Variants in MEGF11 observed in about 807,000 individuals in gnomAD.
The protein encoded by MEGF11 is multiple EGF like domains 11, also known as multiple epidermal growth factor-like domains protein 11.
Under a neutral mutation model 146.6 loss-of-function variants are expected in MEGF11, and 126 were observed. The ratio of observed to expected loss-of-function variants is 0.86; its 90% CI spans 0.74 to 1.00. The LOEUF (loss-of-function observed/expected upper bound fraction) is 1.00. Ranked by LOEUF, MEGF11 falls within the 50% of genes least tolerant of loss-of-function variation. The pLI is 0.00. For synonymous variants in MEGF11, 532 were observed against 583.4 expected (o/e 0.91, Z 1.27); for missense variants, 1,509 against 1,521.2 (o/e 0.99, Z 0.13).
At chr15:66,024,350 C>T (rs376696091) in intron 5 of MEGF11, among the ~76,000 whole-genome samples, 43 of 152,368 alleles carry the variant, frequency 2.8e-4, no homozygotes, top group African/African-American at 9.4e-4. Context: ...TCTCAGCTGA[C>T]CTTCACACAA....
chr15:66,159,600 C>CGTGT (rs2089881141), intron 1 of MEGF11, among the ~76,000 whole-genome samples: 1 of 152,126 alleles, frequency 6.6e-6, no homozygotes, highest in South Asian at 2.1e-4. Context: ...TGACCTACAG[C>CGTGT]GTGTGGGAGG....
intron 1 of MEGF11, among the ~76,000 whole-genome samples, chr15:66,204,319 T>C (rs1255959327): frequency 6.6e-6 from 1 of 152,130 alleles, no homozygotes; most frequent in Non-Finnish European, 1.5e-5. Flanking sequence ...AAAGGATCAC[T>C]TGAGCCCAGG....
Position 66,128,263 on chromosome 15 carries a change from G to A in MEGF11, c.98+43C>T, listed in dbSNP as rs146420269. On this transcript the variant is annotated intron_variant, in intron 2 of 25. Coordinates refer to ENST00000395614, the MANE Select transcript of MEGF11 (RefSeq NM_001385028.1). Reference sequence around the variant, plus strand: ...TGTCCCCTACTGCCATGCCCAGGGCGATCCCCCAGAGAGTGCCTGGCCATC... The same window carrying A: ...TGTCCCCTACTGCCATGCCCAGGGCAATCCCCCAGAGAGTGCCTGGCCATC... 3,115 of 1,316,244 alleles carry A rather than the reference G, an allele frequency of 2.4e-3. 6 individuals are homozygous for A. Among genetic ancestry groups the A allele is most frequent in the Non-Finnish European group, 2.9e-3 (2,878 of 988,360 alleles). 81.5% of individuals were successfully genotyped at this position (1,316,244 alleles called of 1,614,324 possible).
chr15:65,902,544 G>C (rs1450900554), intron 24 of MEGF11: 2 of 152,258 alleles, frequency 1.3e-5, no homozygotes, highest in African/African-American at 4.8e-5. Flanking sequence ...CTGCCTGCAA[G>C]AGGGGAGGGC....
chr15:66,071,217 A>G (rs1406047345), intron 5 of MEGF11, among the ~76,000 whole-genome samples: 1 of 152,150 alleles, frequency 6.6e-6, no homozygotes, highest in Non-Finnish European at 1.5e-5. Context: ...TCAGGCCCTG[A>G]TGACTATGCC....
intron 11 of MEGF11, among the ~76,000 whole-genome samples, chr15:65,930,481 G>C (rs2079537277): frequency 6.6e-6 from 1 of 152,098 alleles, no homozygotes; most frequent in Non-Finnish European, 1.5e-5. Context: ...CTCTTACCAG[G>C]TGGCCCTCAC....
intron 1 of MEGF11, among the ~76,000 whole-genome samples, chr15:66,237,684 C>T (rs917641231): frequency 2.0e-5 from 3 of 152,192 alleles, no homozygotes; most frequent in East Asian, 1.9e-4. Flanking sequence ...GACACTGGCA[C>T]GTGGCTATCT....
At chr15:66,164,745 C>T (rs1371004030) in intron 1 of MEGF11, among the ~76,000 whole-genome samples, 1 of 152,234 alleles carries the variant, frequency 6.6e-6, no homozygotes, top group Non-Finnish European at 1.5e-5. Context: ...ACAGAACCTA[C>T]TAGAGCTGAC....
At chr15:66,168,005 G>A (rs2090147103) in intron 1 of MEGF11, among the ~76,000 whole-genome samples, 1 of 152,078 alleles carries the variant, frequency 6.6e-6, no homozygotes, top group Non-Finnish European at 1.5e-5. Context: ...CCTAGGCCAG[G>A]CTCCTCCCAG....
At chr15:66,084,856 CTAAAGCCCA>C (rs1444789828) in intron 5 of MEGF11, among the ~76,000 whole-genome samples, 1 of 152,198 alleles carries the variant, frequency 6.6e-6, no homozygotes, top group Non-Finnish European at 1.5e-5. Context: ...AAGGGAAGAA[CTAAAGCCCA>C]TTTCTTTTGC....
intron 9 of MEGF11, among the ~76,000 whole-genome samples, chr15:65,960,799 C>T (rs1486320281): frequency 2.0e-5 from 3 of 152,228 alleles, no homozygotes; most frequent in African/African-American, 7.2e-5. Context: ...ACACTCCACA[C>T]ACAACGAGCT....
intron 5 of MEGF11, among the ~76,000 whole-genome samples, chr15:66,041,350 ACCT>A (rs2140297019): frequency 6.6e-6 from 1 of 152,334 alleles, no homozygotes; most frequent in African/African-American, 2.4e-5. Flanking sequence ...ACTTCTCTGG[ACCT>A]CAGATTTCCT....
chr15:66,104,290 A>C (rs2086964253), intron 4 of MEGF11, among the ~76,000 whole-genome samples: 1 of 152,192 alleles, frequency 6.6e-6, no homozygotes, highest in East Asian at 1.9e-4. Context: ...CACCCCAGCC[A>C]AGCAGTTAAG....
At chr15:65,951,415 A>G (rs1172597369) in intron 10 of MEGF11, among the ~76,000 whole-genome samples, 1 of 152,210 alleles carries the variant, frequency 6.6e-6, no homozygotes, top group African/African-American at 2.4e-5. Flanking sequence ...GGCTGGGCAC[A>G]GTGGCTCAAG....
chr15:65,899,314 T>G (rs146751555), intron 24 of MEGF11, among the ~76,000 whole-genome samples: 120 of 152,358 alleles, frequency 7.9e-4, no homozygotes, highest in African/African-American at 2.8e-3. Context: ...ACACAGCTAG[T>G]GAATGGCAGT....
rs1597061897 is a variant in MEGF11, at chr15:66,080,158, G to A, written c.394+14244C>T. Among the ~76,000 whole-genome samples the A allele has an allele frequency of 2.0e-5, 3 of 152,272 alleles. No homozygotes were observed. The South Asian group carries it at 6.2e-4, about 32-fold the overall frequency. The stretch of plus-strand genomic sequence containing the variant: ...TCCCCTGCGGCCCACAGCCCCCCAG[G>A]ACTCAGGGGCTGGGCAGTCTCTTAC... On this transcript the variant is annotated intron_variant, in intron 5 of 25. Transcript: ENST00000395614.
intron 1 of MEGF11, among the ~76,000 whole-genome samples, chr15:66,156,069 G>C (rs2089745791): frequency 6.6e-6 from 1 of 152,140 alleles, no homozygotes; most frequent in Non-Finnish European, 1.5e-5. Context: ...GGTCTCGATG[G>C]CCACACCTGC....
chr15:66,140,365 T>C (rs568785303), intron 1 of MEGF11, among the ~76,000 whole-genome samples: 2 of 152,280 alleles, frequency 1.3e-5, no homozygotes, highest in South Asian at 2.1e-4. Flanking sequence ...AATTCAGAAA[T>C]GTGAACCACC....
chr15:66,175,389 C>T (rs2090365886), intron 1 of MEGF11, among the ~76,000 whole-genome samples: 1 of 152,114 alleles, frequency 6.6e-6, no homozygotes, highest in Non-Finnish European at 1.5e-5. Context: ...AAAGACAAAG[C>T]TGGGGGCACC....
Sources: allele counts gnomAD v4.1 joint callset (sites outside exome capture counted in the v4.1 genomes callset), GRCh38; gene constraint gnomAD v4.1.1; transcripts MANE v1.5; gene names NCBI Gene and HGNC (gene_info 2026-07-23, HGNC 2026-07-21).